Variants in CNIH3 observed in about 807,000 individuals in gnomAD.
CNIH3 encodes cornichon family AMPA receptor auxiliary protein 3, also known as protein cornichon homolog 3.
A neutral mutation model predicts 24.1 loss-of-function variants in CNIH3; 14 were observed. That is an observed-to-expected ratio of 0.58 (90% confidence interval 0.38 to 0.91). CNIH3 has a LOEUF of 0.91. CNIH3 is among the 40% of genes least tolerant of loss of function. CNIH3 has a pLI of 0.00. For missense variants in CNIH3, 178 were observed against 196.8 expected (o/e 0.90, Z 0.57); for synonymous variants, 68 against 73.8 (o/e 0.92, Z 0.40).
intron 3 of CNIH3, among the ~76,000 whole-genome samples, chr1:224,715,096 T>G (rs1004129465): frequency 2.0e-5 from 3 of 152,204 alleles, no homozygotes; most frequent in African/African-American, 7.2e-5. Context: ...TCCTGCCTGC[T>G]TTCCACGGCC....
In CNIH3 at chr1:224,704,336, C is replaced by T. The variant is rs75648895; in HGVS notation, c.198+19493C>T. ...ACAGCTCTGAAAGCCAGCAGGGGCT[C>T]TCTGCAAAAGCTAAAGTCAGCAGCA... On this transcript the variant is annotated intron_variant, in intron 3 of 5. Transcript: ENST00000272133. The surrounding 1 kb of genome is among the most constrained non-coding windows in gnomAD (Gnocchi z 4.2). Among the ~76,000 whole-genome samples the T allele has an allele frequency of 0.03, 4,631 of 152,228 alleles. 176 individuals are homozygous for T. The highest frequency in any genetic ancestry group is 0.09 in the African/African-American group (3,721 of 41,514).
At chr1:224,595,405 C>G (rs1248075528) in intron 3 of CNIH3, among the ~76,000 whole-genome samples, 1 of 152,144 alleles carries the variant, frequency 6.6e-6, no homozygotes, top group African/African-American at 2.4e-5. Context: ...CAAATTGTGC[C>G]TAAGATGGCA....
chr1:224,468,097 T>A (rs924524906), intron 1 of CNIH3, among the ~76,000 whole-genome samples: 5 of 152,218 alleles, frequency 3.3e-5, no homozygotes, highest in Non-Finnish European at 7.3e-5. Flanking sequence ...ACTGAAGTTA[T>A]TTAGTAAGCC....
chr1:224,623,673 C>G (rs1683389989), intron 1 of CNIH3, among the ~76,000 whole-genome samples: 1 of 152,128 alleles, frequency 6.6e-6, no homozygotes, highest in African/African-American at 2.4e-5. Flanking sequence ...GGATCCTGCC[C>G]CTCCCCAGAA....
At chr1:224,511,238 C>T (rs1355460555), upstream of CNIH3, among the ~76,000 whole-genome samples, 1 of 152,202 alleles carries the variant, frequency 6.6e-6, no homozygotes, top group African/African-American at 2.4e-5. Flanking sequence ...ATTCCCAATT[C>T]AGTCTGTAAC....
intron 5 of CNIH3, among the ~76,000 whole-genome samples, chr1:224,736,461 A>G (rs1327187917): frequency 1.3e-5 from 2 of 152,230 alleles, no homozygotes; most frequent in Admixed American, 6.5e-5. Flanking sequence ...AAACCTCTAG[A>G]AAAGTCTTCA....
At chr1:224,642,152 T>C (rs968339544) in intron 1 of CNIH3, among the ~76,000 whole-genome samples, 9 of 152,210 alleles carry the variant, frequency 5.9e-5, no homozygotes, top group Admixed American at 3.9e-4. Flanking sequence ...ACAGCTGATA[T>C]TGATTGAATA....
chr1:224,724,294 G>C (rs1688900836), intron 3 of CNIH3, among the ~76,000 whole-genome samples: 1 of 152,168 alleles, frequency 6.6e-6, no homozygotes, highest in South Asian at 2.1e-4. Flanking sequence ...GAGGTTGGCT[G>C]CTAGTCCCTG....
rs888696522 is a variant in CNIH3, at chr1:224,734,497, G to C, written c.312-66G>C. On this transcript the variant is annotated intron_variant, in intron 4 of 5. Transcript: ENST00000272133. The stretch of plus-strand genomic sequence containing the variant: ...GCTCGACAGAAGCCCTGCATCGGAA[G>C]GGTTTGCCCAGGTTACGCCAGAAGT... 12 of 1,540,142 alleles carry C rather than the reference G, an allele frequency of 7.8e-6. No individual in the cohort carries two copies. The Admixed American group carries it at 1.4e-4, about 17-fold the overall frequency.
Position 224,555,492 on chromosome 1 carries a change from A to T in CNIH3, n.450+8553A>T, listed in dbSNP as rs144170817. On this transcript the variant is annotated intron_variant and non_coding_transcript_variant, in intron 3 of 5. Transcript: ENST00000471578. ...TATATTAAATGTAACTTTTTCTTCT[A>T]TAAGTATTTTGGAAGACTTTTAACA... Among the ~76,000 whole-genome samples the T allele has an allele frequency of 4.6e-5, 7 of 152,322 alleles. No homozygotes were observed. The East Asian group carries it at 1.3e-3, about 29-fold the overall frequency.
chr1:224,532,153 C>T (rs2124932414), intron 2 of CNIH3, among the ~76,000 whole-genome samples: 2 of 152,072 alleles, frequency 1.3e-5, no homozygotes, highest in South Asian at 4.2e-4. Context: ...GGGTGGATTG[C>T]AATTTTAAAT....
At chr1:224,637,391 C>G (rs1684144941) in intron 1 of CNIH3, among the ~76,000 whole-genome samples, 1 of 151,264 alleles carries the variant, frequency 6.6e-6, no homozygotes, top group Non-Finnish European at 1.5e-5. Flanking sequence ...CCCCACCCCC[C>G]AAGTTAGTTC....
chr1:224,517,732 GT>G (rs1678454183), intron 1 of CNIH3, among the ~76,000 whole-genome samples: 1 of 152,046 alleles, frequency 6.6e-6, no homozygotes, highest in African/African-American at 2.4e-5. Context: ...ACGATGTTTG[GT>G]TTTCCATTCC....
In CNIH3 at chr1:224,479,303, G is replaced by A. The variant is rs549520341; in HGVS notation, n.204-36438G>A. 4.4e-3 allele frequency among the ~76,000 whole-genome samples: 668 copies of A among 152,064 alleles called. 4 individuals are homozygous for A. Among genetic ancestry groups the A allele is most frequent in the African/African-American group, 0.015 (605 of 41,486 alleles). ...CAAGTAGCTGGGATTAGAGGCATGC[G>A]TCACCACGCCCGGCTAATTTTATAT... is the stretch of plus-strand genomic sequence containing the variant. On this transcript the variant is annotated intron_variant and non_coding_transcript_variant, in intron 1 of 5. Coordinates refer to the CNIH3 transcript ENST00000471578.
rs147665738 is a variant in CNIH3 at position 224,531,888 on chromosome 1, G to A, written n.344-5048G>A. ...CTATTTGGGGAGATGGTAGAGAGGC[G>A]AGAGAAGGCATTCATTCACTCTATA... On this transcript the variant is annotated intron_variant and non_coding_transcript_variant, in intron 2 of 2. Transcript: ENST00000470602. Among the ~76,000 whole-genome samples the A allele has an allele frequency of 1.8e-3, 280 of 152,270 alleles. 4 individuals carry two copies. The East Asian group carries it at 0.034, about 18-fold the overall frequency.
intron 3 of CNIH3, among the ~76,000 whole-genome samples, chr1:224,554,825 G>A (rs12028454): frequency 0.088 from 13,316 of 152,156 alleles, 768 homozygotes; most frequent in South Asian, 0.22. Flanking sequence ...GGGCTCAAGT[G>A]ATCCTTCTGC....
intron 1 of CNIH3, among the ~76,000 whole-genome samples, chr1:224,502,811 G>A (rs1677733642): frequency 6.6e-6 from 1 of 152,198 alleles, no homozygotes; most frequent in South Asian, 2.1e-4. Flanking sequence ...TCTAACCACT[G>A]AAAGGAAGCC....
chr1:224,531,463 A>C (rs892420506), intron 2 of CNIH3, among the ~76,000 whole-genome samples: 1 of 152,242 alleles, frequency 6.6e-6, no homozygotes, highest in Non-Finnish European at 1.5e-5. Flanking sequence ...GCAGTGTTAA[A>C]GCTGAGTGTG....
intron 3 of CNIH3, among the ~76,000 whole-genome samples, chr1:224,547,750 C>A (rs974341669): frequency 2.6e-5 from 4 of 151,760 alleles, no homozygotes; most frequent in Non-Finnish European, 4.4e-5. Context: ...TGGGTGTATA[C>A]CTCGTGATAT....
Sources: allele counts gnomAD v4.1 joint callset (sites outside exome capture counted in the v4.1 genomes callset), GRCh38; gene constraint gnomAD v4.1.1; non-coding constraint Gnocchi (gnomAD v3.1); transcripts MANE v1.5; gene names NCBI Gene and HGNC (gene_info 2026-07-23, HGNC 2026-07-21).